The following RAVER2 variants were observed in gnomAD, a reference collection of about 807,000 sequenced individuals.
RAVER2 encodes ribonucleoprotein PTB-binding 2.
RAVER2 carries 46 observed loss-of-function variants against 78.1 expected under a neutral mutation model. The observed-to-expected ratio is 0.59, with a 90% CI of 0.46 to 0.75. The LOEUF (loss-of-function observed/expected upper bound fraction) is 0.75. RAVER2 is among the 30% of genes least tolerant of loss of function. The pLI is 0.00. For synonymous variants in RAVER2, 311 were observed against 313.3 expected (o/e 0.99, Z 0.08); for missense variants, 793 against 837.5 (o/e 0.95, Z 0.66).
intron 1 of RAVER2, among the ~76,000 whole-genome samples, chr1:64,759,321 G>C (rs1234893238): frequency 6.6e-6 from 1 of 151,738 alleles, no homozygotes. Flanking sequence ...CCGGGTTCAT[G>C]GCATTCTCCT....
At chr1:64,820,443 C>T (rs772495129) in intron 11 of RAVER2, among the ~76,000 whole-genome samples, 7 of 152,042 alleles carry the variant, frequency 4.6e-5, no homozygotes, top group South Asian at 2.1e-4. Flanking sequence ...TGGGGGTACA[C>T]GTGAATGTTT....
chr1:64,807,030 G>A (rs563684749), intron 8 of RAVER2, among the ~76,000 whole-genome samples, 176 bp from the exon 9 acceptor site: 3 of 151,806 alleles, frequency 2.0e-5, no homozygotes, highest in Admixed American at 2.0e-4. Flanking sequence ...GTAGGTTTTT[G>A]TTTTTTTCAT....
rs147992874 is a variant in RAVER2, at chr1:64,748,009, T to A, written c.249+2588T>A. On this transcript the variant is annotated intron_variant, in intron 1 of 11. Coordinates refer to ENST00000294428, the Ensembl canonical transcript of RAVER2. Reference sequence around the variant, plus strand: ...AGTTTTCATAAATCTCAAATTTTGTTTTATTTTTGGTATAGCAGATTTATA... The same window carrying A: ...AGTTTTCATAAATCTCAAATTTTGTATTATTTTTGGTATAGCAGATTTATA... Among the ~76,000 whole-genome samples, 367 of 152,346 alleles carry A rather than the reference T, an allele frequency of 2.4e-3. 4 individuals carry two copies. Among genetic ancestry groups the A allele is most frequent in the African/African-American group, 8.4e-3 (350 of 41,578 alleles).
At chr1:64,779,407 G>A (rs534507450) in intron 3 of RAVER2, among the ~76,000 whole-genome samples, 2 of 151,908 alleles carry the variant, frequency 1.3e-5, no homozygotes, top group South Asian at 2.1e-4. Context: ...TTTGAGACAG[G>A]GTCTTTCTCT....
At chr1:64,813,844 C>G (rs2100888301) in intron 10 of RAVER2, among the ~76,000 whole-genome samples, 1 of 149,594 alleles carries the variant, frequency 6.7e-6, no homozygotes, top group African/African-American at 2.5e-5. Flanking sequence ...CACACACACA[C>G]ACACACACAC....
At chr1:64,791,195 C>G (rs1652930338) in intron 5 of RAVER2, among the ~76,000 whole-genome samples, 1 of 152,212 alleles carries the variant, frequency 6.6e-6, no homozygotes. Flanking sequence ...GGCCATGTCA[C>G]CCTCCCAACA....
chr1:64,818,441 C>G (rs1653805345), intron 11 of RAVER2, among the ~76,000 whole-genome samples: 1 of 152,116 alleles, frequency 6.6e-6, no homozygotes, highest in Non-Finnish European at 1.5e-5. Flanking sequence ...GAGGCTGAGG[C>G]AGGAGAATGG....
exon 12 of RAVER2, chr1:64,831,406 C>T (rs1654124768): frequency 6.5e-6 from 1 of 153,228 alleles, no homozygotes; most frequent in Non-Finnish European, 1.5e-5. Context: ...GAAGTAATTG[C>T]ATTTATAGAT....
At chr1:64,791,983 TA>T (rs1484771579) in intron 5 of RAVER2, among the ~76,000 whole-genome samples, 1 of 152,174 alleles carries the variant, frequency 6.6e-6, no homozygotes, top group East Asian at 1.9e-4. Context: ...ATCAGTAAAA[TA>T]AATTTTGAGC....
rs118113039 is a variant in RAVER2 at position 64,781,872 on chromosome 1, G to C, written c.978+301G>C. 7.8e-3 allele frequency among the ~76,000 whole-genome samples: 1,193 copies of C among 152,078 alleles called. 36 individuals are homozygous for C. The highest frequency in any genetic ancestry group is 0.031 in the East Asian group (159 of 5,172). ...GAGTTCCTCTTGTGTTATAAATTTT[G>C]AGTGTAACATGCCTCCTTTTTCTTT... is the stretch of plus-strand genomic sequence containing the variant. On this transcript the variant is annotated intron_variant, in intron 4 of 11. Transcript: ENST00000294428.
At chr1:64,747,779 T>C (rs143492400) in intron 1 of RAVER2, among the ~76,000 whole-genome samples, 3,121 of 152,238 alleles carry the variant, frequency 0.021, 110 homozygotes, top group African/African-American at 0.072. Context: ...CCTCCCAAAG[T>C]GCTGAGATTA....
intron 1 of RAVER2, among the ~76,000 whole-genome samples, chr1:64,764,881 C>T (rs1652132801): frequency 6.6e-6 from 1 of 152,212 alleles, no homozygotes; most frequent in Non-Finnish European, 1.5e-5. Flanking sequence ...AAGATAATCT[C>T]CATTACTCAA....
At chr1:64,803,345 T>C (rs1487797669) in intron 6 of RAVER2, among the ~76,000 whole-genome samples, 1 of 152,114 alleles carries the variant, frequency 6.6e-6, no homozygotes, top group African/African-American at 2.4e-5. Flanking sequence ...AATAAGTTGT[T>C]CAAGACACGG....
intron 4 of RAVER2, among the ~76,000 whole-genome samples, chr1:64,789,062 C>T (rs900650373): frequency 1.3e-5 from 2 of 152,038 alleles, no homozygotes; most frequent in South Asian, 4.1e-4. Flanking sequence ...ATCAAAGTAT[C>T]CATATTGTGT....
chr1:64,813,093 G>T (rs1158373777), intron 10 of RAVER2, among the ~76,000 whole-genome samples: 1 of 152,110 alleles, frequency 6.6e-6, no homozygotes, highest in Non-Finnish European at 1.5e-5. Context: ...AAACCTATAA[G>T]TAATCTTATA....
Position 64,778,097 on chromosome 1 carries a change from G to A in RAVER2, c.786+5G>A. On this transcript the variant is annotated splice_donor_5th_base_variant and intron_variant, in intron 3 of 11. Transcript: ENST00000294428. ...CATAAACCTGTGTTTTGCCAGGTAT[G>A]TATTTTTAAGAGATTATTGAAATAT... The A allele has an allele frequency of 6.4e-7, 1 of 1,562,860 alleles. No homozygotes were observed. Among genetic ancestry groups the A allele is most frequent in the Non-Finnish European group, 8.7e-7 (1 of 1,148,948 alleles).
intron 4 of RAVER2, among the ~76,000 whole-genome samples, chr1:64,782,784 C>T (rs1160138088): frequency 6.6e-6 from 1 of 152,076 alleles, no homozygotes; most frequent in African/African-American, 2.4e-5. Flanking sequence ...ATTGAGTACT[C>T]AGCCAATTAC....
intron 2 of RAVER2, among the ~76,000 whole-genome samples, chr1:64,772,663 A>T (rs1269685272): frequency 6.6e-6 from 1 of 152,214 alleles, no homozygotes; most frequent in Admixed American, 6.5e-5. Flanking sequence ...TTTGAAAATC[A>T]GCTAAAAGGT....
At chr1:64,814,243 C>T (rs1653700597) in intron 10 of RAVER2, among the ~76,000 whole-genome samples, 1 of 152,054 alleles carries the variant, frequency 6.6e-6, no homozygotes, top group African/African-American at 2.4e-5. Context: ...TACAGTCATG[C>T]ACCACCATTC....
Sources: gnomAD v4.1 joint callset for allele counts (sites outside exome capture counted in the v4.1 genomes callset) on GRCh38, gnomAD v4.1.1 for gene constraint, MANE v1.5 for transcripts, NCBI Gene and HGNC (gene_info 2026-07-23, HGNC 2026-07-21) for gene names.